Variants in SGIP1 observed in about 807,000 individuals in gnomAD.
SGIP1 encodes SH3-containing GRB2-like protein 3-interacting protein 1.
A neutral mutation model predicts 107.5 loss-of-function variants in SGIP1; 38 were observed. That is an observed-to-expected ratio of 0.35 (90% CI 0.27 to 0.46). The LOEUF is 0.46. Ranked by LOEUF, SGIP1 falls within the 20% of genes least tolerant of loss-of-function variation. SGIP1 has a pLI of 1.00. For missense variants in SGIP1, 929 were observed against 1,019.5 expected (o/e 0.91, Z 1.21); for synonymous variants, 365 against 366.1 (o/e 1.00, Z 0.03).
intron 13 of SGIP1, among the ~76,000 whole-genome samples, chr1:66,677,811 C>A (rs1016492512): frequency 6.6e-6 from 1 of 152,126 alleles, no homozygotes; most frequent in Non-Finnish European, 1.5e-5. Context: ...GTGGAAAGCA[C>A]TCTTTTCAAA....
At chr1:66,724,552 T>C (rs984180964) in intron 19 of SGIP1, among the ~76,000 whole-genome samples, 2 of 152,176 alleles carry the variant, frequency 1.3e-5, no homozygotes, top group Non-Finnish European at 2.9e-5. Flanking sequence ...CCTCAGTGCT[T>C]CTTACACAGG....
intron 2 of SGIP1, among the ~76,000 whole-genome samples, chr1:66,627,709 TC>T (rs2073210823): frequency 6.6e-6 from 1 of 152,204 alleles, no homozygotes; most frequent in Non-Finnish European, 1.5e-5. Context: ...GCAATATTTT[TC>T]TGAGGATTAT....
intron 15 of SGIP1, among the ~76,000 whole-genome samples, chr1:66,683,085 T>G (rs2087179272): frequency 1.3e-5 from 2 of 152,236 alleles, no homozygotes; most frequent in East Asian, 3.8e-4. Context: ...ATGCCAATTC[T>G]GATACTGAAT....
chr1:66,629,309 G>T (rs2073703352), intron 2 of SGIP1, among the ~76,000 whole-genome samples: 1 of 152,188 alleles, frequency 6.6e-6, no homozygotes, highest in African/African-American at 2.4e-5. Flanking sequence ...AAGGGAGAGA[G>T]GTTGTGCTAA....
chr1:66,584,380 TGGAAAGGACTTCACA>T lies in SGIP1; in HGVS notation c.11-41464_11-41450del, dbSNP rs1275210300. 9.2e-5 allele frequency among the ~76,000 whole-genome samples: 14 copies of T among 152,286 alleles called. No homozygotes were observed. In the East Asian group the frequency reaches 2.1e-3, roughly 23 times the overall value. ...GAAGCAAATCTCTGAATCTTTAAGT[TGGAAAGGACTTCACA>T]GGTTATCCATTCCATTGCCTAACAG... On this transcript the variant is annotated intron_variant, in intron 1 of 24. Transcript: ENST00000371037.
At chr1:66,662,906 C>T (rs1182226099) in intron 8 of SGIP1, among the ~76,000 whole-genome samples, 1 of 152,116 alleles carries the variant, frequency 6.6e-6, no homozygotes, top group Non-Finnish European at 1.5e-5. Flanking sequence ...GCAATAATAA[C>T]AGCAGATAGA....
At chr1:66,637,840 C>T (rs1442031216) in intron 4 of SGIP1, among the ~76,000 whole-genome samples, 2 of 147,830 alleles carry the variant, frequency 1.4e-5, no homozygotes, top group African/African-American at 5.0e-5. Context: ...CATATACATA[C>T]ACACATATAT....
intron 1 of SGIP1, among the ~76,000 whole-genome samples, chr1:66,580,498 T>A (rs1228212907): frequency 3.9e-5 from 6 of 152,174 alleles, no homozygotes; most frequent in African/African-American, 1.4e-4. Flanking sequence ...ATCTGCTTTT[T>A]CCTATTCGTA....
At chr1:66,742,671 G>T (rs1005836763) in intron 24 of SGIP1, among the ~76,000 whole-genome samples, 3 of 148,460 alleles carry the variant, frequency 2.0e-5, no homozygotes, top group Admixed American at 6.7e-5. Context: ...GGGTTTCACC[G>T]TGTTAGCCAG....
chr1:66,705,937 G>A (rs1254316128), intron 18 of SGIP1, among the ~76,000 whole-genome samples: 2 of 152,000 alleles, frequency 1.3e-5, no homozygotes, highest in East Asian at 3.9e-4. Flanking sequence ...CTTAAAAACT[G>A]GGTGACGGGT....
intron 1 of SGIP1, among the ~76,000 whole-genome samples, chr1:66,591,963 T>C (rs1175925153): frequency 6.6e-6 from 1 of 152,194 alleles, no homozygotes; most frequent in Non-Finnish European, 1.5e-5. Context: ...CCAGCATGTC[T>C]CACCTCCAGC....
chr1:66,542,636 A>G (rs2055268044), intron 1 of SGIP1, among the ~76,000 whole-genome samples: 2 of 152,330 alleles, frequency 1.3e-5, no homozygotes, highest in South Asian at 2.1e-4. Context: ...AGATTTCATT[A>G]CACTACTCAA....
At chr1:66,544,171 A>G (rs2055741219) in intron 1 of SGIP1, among the ~76,000 whole-genome samples, 1 of 152,172 alleles carries the variant, frequency 6.6e-6, no homozygotes, top group Non-Finnish European at 1.5e-5. Flanking sequence ...AGCATACTCT[A>G]TCATCCTTTA....
At chr1:66,562,327 A>G (rs2059071006) in intron 1 of SGIP1, among the ~76,000 whole-genome samples, 1 of 152,032 alleles carries the variant, frequency 6.6e-6, no homozygotes, top group African/African-American at 2.4e-5. Context: ...TAAAAGAAGA[A>G]TATTTGCTAG....
intron 1 of SGIP1, among the ~76,000 whole-genome samples, chr1:66,557,281 T>C (rs1482967029): frequency 1.3e-5 from 2 of 152,150 alleles, no homozygotes; most frequent in Non-Finnish European, 2.9e-5. Flanking sequence ...GACATAAGGC[T>C]TTTGGAATTT....
intron 1 of SGIP1, among the ~76,000 whole-genome samples, chr1:66,588,638 C>CTTTTTTTT (rs35096597): frequency 4.1e-5 from 4 of 98,660 alleles, no homozygotes; most frequent in Non-Finnish European, 8.2e-5. Flanking sequence ...CTAGTTAGTT[C>CTTTTTTTT]TTTTTTTTTT....
intron 19 of SGIP1, among the ~76,000 whole-genome samples, chr1:66,721,239 G>A (rs1440981472): frequency 6.6e-6 from 1 of 152,146 alleles, no homozygotes; most frequent in Admixed American, 6.5e-5. Context: ...GTTAGCTGTA[G>A]ATATGCTTTA....
At chr1:66,629,440 A>G (rs1418052512) in intron 2 of SGIP1, among the ~76,000 whole-genome samples, 1 of 152,204 alleles carries the variant, frequency 6.6e-6, no homozygotes, top group African/African-American at 2.4e-5. Flanking sequence ...AAAGGGGGAT[A>G]AGTAACTTTC....
chr1:66,567,061 A>G (rs1024989340), intron 1 of SGIP1, among the ~76,000 whole-genome samples: 1 of 152,116 alleles, frequency 6.6e-6, no homozygotes, highest in Non-Finnish European at 1.5e-5. Flanking sequence ...TCATGGTTGC[A>G]TAGTATAACA....
Sources: gnomAD v4.1 joint callset for allele counts (sites outside exome capture counted in the v4.1 genomes callset) on GRCh38, gnomAD v4.1.1 for gene constraint, MANE v1.5 for transcripts, NCBI Gene and HGNC (gene_info 2026-07-23, HGNC 2026-07-21) for gene names.